Variants in SGCZ observed in about 807,000 individuals in gnomAD.
The protein encoded by SGCZ is sarcoglycan zeta, also known as zeta-sarcoglycan.
In SGCZ, 40 loss-of-function variants were observed where a neutral mutation model predicts 41.3. The observed-to-expected ratio is 0.97, with a 90% CI of 0.75 to 1.26. The LOEUF (loss-of-function observed/expected upper bound fraction) is 1.26, where lower values mean the gene tolerates loss of function less well. SGCZ is among the 50% of genes most tolerant of loss of function. The probability of loss-of-function intolerance (pLI) is 0.00; values close to 1 mark genes in which losing one functional copy is unlikely to be tolerated. For synonymous variants in SGCZ, 206 were observed against 137.5 expected (o/e 1.50, Z -3.49); for missense variants, 552 against 369.8 (o/e 1.49, Z -4.04).
At chr8:14,113,515 T>C (rs993422888) in intron 5 of SGCZ, among the ~76,000 whole-genome samples, 1 of 152,098 alleles carries the variant, frequency 6.6e-6, no homozygotes, top group Non-Finnish European at 1.5e-5. Flanking sequence ...TTGATAAGGA[T>C]CCAGATTTCC....
intron 1 of SGCZ, among the ~76,000 whole-genome samples, chr8:15,179,999 G>T (rs28459068): frequency 1.3e-5 from 2 of 151,940 alleles, no homozygotes; most frequent in Admixed American, 1.3e-4. Flanking sequence ...TGTTTAGTAG[G>T]CTGACTATTA....
intron 1 of SGCZ, among the ~76,000 whole-genome samples, chr8:14,845,876 A>C (rs1048172321): frequency 6.6e-6 from 1 of 152,192 alleles, no homozygotes; most frequent in Non-Finnish European, 1.5e-5. Context: ...ACATGAATCA[A>C]AACAAAGCAA....
intron 1 of SGCZ, among the ~76,000 whole-genome samples, chr8:14,936,947 T>C (rs943453432): frequency 1.3e-5 from 2 of 151,328 alleles, no homozygotes; most frequent in African/African-American, 2.4e-5. Context: ...GAAAAATAAA[T>C]CCTAAAAATT....
intron 1 of SGCZ, among the ~76,000 whole-genome samples, chr8:15,021,625 A>G (rs1803251365): frequency 6.6e-6 from 1 of 152,214 alleles, no homozygotes; most frequent in Non-Finnish European, 1.5e-5. Flanking sequence ...TACGGAGAAC[A>G]CTACTCACCC....
chr8:14,597,659 T>C (rs1805457406), intron 1 of SGCZ, among the ~76,000 whole-genome samples: 1 of 152,282 alleles, frequency 6.6e-6, no homozygotes, highest in Non-Finnish European at 1.5e-5. Flanking sequence ...GTATTTTTAG[T>C]AGTAATGGGG....
At chr8:14,538,341 G>T (rs907709907) in intron 2 of SGCZ, among the ~76,000 whole-genome samples, 2 of 151,804 alleles carry the variant, frequency 1.3e-5, no homozygotes, top group Non-Finnish European at 2.9e-5. Flanking sequence ...AACACACAGG[G>T]CTTGTTTTAA....
Position 14,175,119 on chromosome 8 carries a change from T to C in SGCZ, c.425-10417A>G, listed in dbSNP as rs79787189. ...GGGTTGAGGGGCATATCATTCAACC[T>C]ATAAAATGTGTCTTCAATGCCCTAG... is the stretch of plus-strand genomic sequence containing the variant. On this transcript the variant is annotated intron_variant, in intron 4 of 7. Coordinates refer to ENST00000382080, the MANE Select transcript of SGCZ (RefSeq NM_139167.4). 4.7e-4 allele frequency among the ~76,000 whole-genome samples: 71 copies of C among 152,266 alleles called. No homozygotes were observed. In the East Asian group the frequency reaches 0.012, roughly 26 times the overall value.
intron 1 of SGCZ, among the ~76,000 whole-genome samples, chr8:15,107,855 A>G (rs892913121): frequency 6.6e-6 from 1 of 152,160 alleles, no homozygotes; most frequent in Non-Finnish European, 1.5e-5. Context: ...TCTGAGATCA[A>G]TTTTGGAGAT....
chr8:14,470,739 G>T (rs993179507), intron 2 of SGCZ, among the ~76,000 whole-genome samples: 1 of 152,156 alleles, frequency 6.6e-6, no homozygotes, highest in Non-Finnish European at 1.5e-5. Context: ...TGTATAAAAA[G>T]TGCCAAATGT....
chr8:14,382,943 A>C (rs900808422), intron 2 of SGCZ, among the ~76,000 whole-genome samples: 9 of 152,166 alleles, frequency 5.9e-5, no homozygotes, highest in Non-Finnish European at 1.0e-4. Context: ...CTTCTCTTAG[A>C]ATCACTTCTC....
chr8:14,995,727 T>C (rs1338005214), intron 1 of SGCZ, among the ~76,000 whole-genome samples: 1 of 152,204 alleles, frequency 6.6e-6, no homozygotes, highest in East Asian at 1.9e-4. Context: ...ATAACAACTG[T>C]ATCTTAAAGC....
At chr8:14,339,851 T>A (rs1178955041) in intron 2 of SGCZ, among the ~76,000 whole-genome samples, 2 of 151,648 alleles carry the variant, frequency 1.3e-5, no homozygotes, top group Admixed American at 1.3e-4. Flanking sequence ...AAAAAACACA[T>A]GGGAATGAAA....
intron 1 of SGCZ, among the ~76,000 whole-genome samples, chr8:14,689,459 A>T (rs1225459702): frequency 6.6e-6 from 1 of 152,180 alleles, no homozygotes; most frequent in African/African-American, 2.4e-5. Flanking sequence ...CTTGCTCCAT[A>T]AGGAACATTT....
At position 15,020,935 on chromosome 8, in the gene SGCZ, A is replaced by C. The variant is rs58139476; in HGVS notation, c.39+216650T>G. ...AAGTGGTTATTTTAGTGGATTAGGAAATGAATCTACATTTTTAAAATGCTT... is the reference window on the plus strand; with the variant it reads ...AAGTGGTTATTTTAGTGGATTAGGACATGAATCTACATTTTTAAAATGCTT... On this transcript the variant is annotated intron_variant, in intron 1 of 7. Transcript: ENST00000382080. 1.8e-3 allele frequency among the ~76,000 whole-genome samples: 277 copies of C among 152,292 alleles called. 1 individual carries two copies. Among genetic ancestry groups the C allele is most frequent in the African/African-American group, 6.1e-3 (254 of 41,562 alleles).
rs114981157 is a variant in SGCZ, at chr8:14,441,299, G to A, written c.234+113433C>T. On this transcript the variant is annotated intron_variant, in intron 2 of 7. Transcript: ENST00000382080. ...TTCATTTAAAACAATCATTTTGGCCGGGGACAGTGGCTCACGCCCGTAATC... is the reference window on the plus strand; with the variant it reads ...TTCATTTAAAACAATCATTTTGGCCAGGGACAGTGGCTCACGCCCGTAATC... Among the ~76,000 whole-genome samples the A allele has an allele frequency of 6.8e-3, 1,032 of 152,112 alleles. 12 individuals are homozygous for A. Among genetic ancestry groups the A allele is most frequent in the African/African-American group, 0.024 (986 of 41,494 alleles).
chr8:14,370,031 A>G (rs1803854830), intron 2 of SGCZ, among the ~76,000 whole-genome samples: 2 of 151,998 alleles, frequency 1.3e-5, no homozygotes, highest in South Asian at 4.1e-4. Context: ...AGATGTACCA[A>G]TTCACTCTTT....
At chr8:14,593,548 C>G (rs1669709610) in intron 1 of SGCZ, among the ~76,000 whole-genome samples, 1 of 152,140 alleles carries the variant, frequency 6.6e-6, no homozygotes, top group African/African-American at 2.4e-5. Context: ...CTTTGATTCT[C>G]ATGTCACAGG....
intron 2 of SGCZ, among the ~76,000 whole-genome samples, chr8:14,525,844 C>G (rs1802931571): frequency 2.6e-5 from 4 of 152,002 alleles, no homozygotes. Context: ...ACTGCAGAAA[C>G]TAGACATGCA....
At chr8:14,127,986 T>C (rs914579985) in intron 5 of SGCZ, among the ~76,000 whole-genome samples, 5 of 152,186 alleles carry the variant, frequency 3.3e-5, no homozygotes, top group Non-Finnish European at 5.9e-5. Context: ...TAAGTTCTTA[T>C]CATTTAGCTC....
Sources: gnomAD v4.1 joint callset for allele counts (sites outside exome capture counted in the v4.1 genomes callset) on GRCh38, gnomAD v4.1.1 for gene constraint, MANE v1.5 for transcripts, NCBI Gene and HGNC (gene_info 2026-07-23, HGNC 2026-07-21) for gene names.